The following CSMD1 variants were observed in gnomAD, a reference collection of about 807,000 sequenced individuals.
CSMD1 encodes CUB and Sushi multiple domains 1.
CSMD1 carries 213 observed loss-of-function variants against 417.5 expected under a neutral mutation model. The observed-to-expected ratio is 0.51, with a 90% CI of 0.46 to 0.57. CSMD1 has a LOEUF of 0.57. Among genes scored for constraint, CSMD1 ranks in the 20% least tolerant of loss-of-function variants. The pLI is 0.00. For missense variants in CSMD1, 6,923 were observed against 4,529.7 expected (o/e 1.53, Z -15.17); for synonymous variants, 2,862 against 1,736.8 (o/e 1.65, Z -16.11).
intron 26 of CSMD1, among the ~76,000 whole-genome samples, chr8:3,262,184 A>AAAATATATATATATAT (rs1420684024): frequency 3.2e-5 from 2 of 63,172 alleles, no homozygotes; most frequent in Non-Finnish European, 5.9e-5. Flanking sequence ...TGCTCATATG[A>AAAATATATATATATAT]ATATATATAT....
intron 5 of CSMD1, among the ~76,000 whole-genome samples, chr8:3,798,293 C>G (rs1054718751): frequency 6.6e-6 from 1 of 151,872 alleles, no homozygotes; most frequent in Non-Finnish European, 1.5e-5. Context: ...GTTATTTCCT[C>G]TTAGGATTAG....
chr8:4,123,194 A>C (rs1802583307), intron 3 of CSMD1, among the ~76,000 whole-genome samples: 1 of 152,240 alleles, frequency 6.6e-6, no homozygotes, highest in African/African-American at 2.4e-5. Context: ...ACATGATGGA[A>C]GGGTTAGGAA....
intron 47 of CSMD1, among the ~76,000 whole-genome samples, chr8:3,094,092 A>T (rs5888944): frequency 0.17 from 22,338 of 133,394 alleles, 2,260 homozygotes; most frequent in African/African-American, 0.35. Context: ...GGTTTTTTTT[A>T]TTTTATTTTA....
At position 2,963,376 on chromosome 8, in the gene CSMD1, C is replaced by T. The variant is rs761115346; in HGVS notation, c.9300G>A (p.Pro3100=). 1.2e-5 allele frequency: 19 copies of T among 1,613,768 alleles called. No individual in the cohort carries two copies. The African/African-American group carries it at 1.2e-4, about 10-fold the overall frequency. The change falls in exon 60 of 70, where the codon CCG becomes CCA. Residue 3100 remains proline, a synonymous_variant. Transcript: ENST00000635120. ...CCACTGTTCCATTCTGCACCGGCGG[C>T]GGCTGAGGACACAGCACGGCTATTT... ...PVCKAVLCPQ[P]PPVQNGTVEG...
At chr8:3,556,816 G>GCC (rs899047752) in intron 10 of CSMD1, among the ~76,000 whole-genome samples, 16 of 152,068 alleles carry the variant, frequency 1.1e-4, no homozygotes, top group Non-Finnish European at 2.2e-4. Flanking sequence ...CTTGGTGGAT[G>GCC]CCCCTCTCCC....
chr8:3,921,624 C>T (rs958905227), intron 5 of CSMD1, among the ~76,000 whole-genome samples: 4 of 151,778 alleles, frequency 2.6e-5, no homozygotes, highest in African/African-American at 9.7e-5. Flanking sequence ...TTTGGATTTC[C>T]CTTTTGATTT....
At chr8:4,006,962 G>A (rs1039930451) in intron 4 of CSMD1, among the ~76,000 whole-genome samples, 20 of 151,194 alleles carry the variant, frequency 1.3e-4, no homozygotes, top group Non-Finnish European at 1.2e-4. Context: ...CGAGTAGCTG[G>A]GACTACAGGC....
chr8:4,270,654 G>C (rs181841740), intron 3 of CSMD1, among the ~76,000 whole-genome samples: 32 of 152,276 alleles, frequency 2.1e-4, no homozygotes, highest in Admixed American at 7.2e-4. Context: ...TGAAGATCGC[G>C]TGTCTGCCAA....
At chr8:3,944,844 T>C (rs1445981071) in intron 5 of CSMD1, among the ~76,000 whole-genome samples, 1 of 152,204 alleles carries the variant, frequency 6.6e-6, no homozygotes, top group Non-Finnish European at 1.5e-5. Flanking sequence ...GCTAGTTCTA[T>C]GAGTTGGCCA....
intron 3 of CSMD1, among the ~76,000 whole-genome samples, chr8:4,377,048 G>T (rs556549528): frequency 1.3e-5 from 2 of 152,266 alleles, no homozygotes; most frequent in Admixed American, 1.3e-4. Context: ...GTTTCAGATT[G>T]TTCTCCTGGA....
intron 3 of CSMD1, among the ~76,000 whole-genome samples, chr8:4,082,264 AAACT>A (rs1313107993): frequency 6.6e-6 from 1 of 152,184 alleles, no homozygotes; most frequent in African/African-American, 2.4e-5. Flanking sequence ...CAACCTATTA[AAACT>A]AACACAAGGT....
chr8:3,511,676 T>C (rs73503623), intron 10 of CSMD1, among the ~76,000 whole-genome samples: 6,091 of 149,620 alleles, frequency 0.041, 534 homozygotes, highest in African/African-American at 0.15. Flanking sequence ...GAGAATCCCT[T>C]GAACTGGGGC....
intron 41 of CSMD1, 25 bp downstream of exon 41, chr8:3,142,440 T>G: frequency 6.3e-7 from 1 of 1,585,412 alleles, no homozygotes; most frequent in African/African-American, 1.3e-5. Flanking sequence ...AGATTTGGGT[T>G]TCGGTTCTCG....
intron 3 of CSMD1, among the ~76,000 whole-genome samples, chr8:4,206,351 C>G (rs979960142): frequency 1.3e-5 from 2 of 152,120 alleles, no homozygotes; most frequent in Admixed American, 1.3e-4. Flanking sequence ...CCCCTCCCCC[C>G]AACCCACCAC....
intron 3 of CSMD1, among the ~76,000 whole-genome samples, chr8:4,221,100 A>C (rs1038950395): frequency 6.6e-6 from 1 of 152,198 alleles, no homozygotes; most frequent in Non-Finnish European, 1.5e-5. Flanking sequence ...TAAACAAGAG[A>C]GGAATACAAC....
At chr8:3,236,882 CCT>C (rs1170117367) in intron 26 of CSMD1, among the ~76,000 whole-genome samples, 1 of 152,094 alleles carries the variant, frequency 6.6e-6, no homozygotes, top group Non-Finnish European at 1.5e-5. Context: ...TTATGAGTGC[CCT>C]GTTTTCCAGT....
chr8:4,583,719 C>T (rs1263851522), intron 2 of CSMD1, among the ~76,000 whole-genome samples: 1 of 152,100 alleles, frequency 6.6e-6, no homozygotes, highest in Non-Finnish European at 1.5e-5. Context: ...TGTAAACACA[C>T]CAGTCAGCAC....
intron 3 of CSMD1, among the ~76,000 whole-genome samples, chr8:4,143,368 TC>T (rs200848013): frequency 5.5e-5 from 4 of 73,178 alleles, no homozygotes; most frequent in Admixed American, 2.1e-4. Context: ...TGACGTCTTA[TC>T]CCTTTTTTTT....
chr8:2,949,175 G>A, intron 68 of CSMD1, 124 bp downstream of exon 68: 1 of 599,840 alleles, frequency 1.7e-6, no homozygotes, highest in Non-Finnish European at 2.9e-6. Flanking sequence ...TGTAAAATAT[G>A]TTAGTCTCTC....
Sources: gnomAD v4.1 joint callset for allele counts (sites outside exome capture counted in the v4.1 genomes callset) on GRCh38, gnomAD v4.1.1 for gene constraint, MANE v1.5 for transcripts, NCBI Gene and HGNC (gene_info 2026-07-23, HGNC 2026-07-21) for gene names.